PCDHGA1: variants seen among roughly 807,000 people sequenced by gnomAD.
PCDHGA1 encodes protocadherin gamma-A1.
A neutral mutation model predicts 58.0 loss-of-function variants in PCDHGA1; 32 were observed. The ratio of observed to expected loss-of-function variants is 0.55; its 90% CI spans 0.42 to 0.74. PCDHGA1 has a LOEUF of 0.74. PCDHGA1 is among the 30% of genes least tolerant of loss of function. PCDHGA1 has a pLI of 0.00. For synonymous variants in PCDHGA1, 498 were observed against 501.1 expected (o/e 0.99, Z 0.08); for missense variants, 1,205 against 1,182.3 (o/e 1.02, Z -0.28).
rs759731651 is a variant in PCDHGA1 at position 141,356,978 on chromosome 5, C to T, written c.2421+23873C>T. ...GGCTACCTGGTGACCAAAGTGGTGG[C>T]AGTGGACAGAGACTCAGGTCAGAAT... On this transcript the variant is annotated intron_variant, in intron 1 of 3. Coordinates refer to ENST00000517417, the MANE Select transcript of PCDHGA1 (RefSeq NM_018912.3). 3 of 1,614,228 alleles carry T rather than the reference C, an allele frequency of 1.9e-6. No homozygotes were observed. In the Admixed American group the frequency reaches 5.0e-5, roughly 27 times the overall value.
intron 1 of PCDHGA1, chr5:141,426,833 G>T: frequency 2.2e-6 from 1 of 456,680 alleles, no homozygotes; most frequent in Non-Finnish European, 4.4e-6. Flanking sequence ...TGATGGACAA[G>T]ACTAAAGGCA....
intron 1 of PCDHGA1, chr5:141,366,276 A>G (rs779768182): frequency 1.9e-6 from 3 of 1,613,672 alleles, no homozygotes; most frequent in Non-Finnish European, 2.5e-6. Flanking sequence ...GTCGAAGACC[A>G]TGGCCAGCCC....
At chr5:141,395,297 T>C in intron 1 of PCDHGA1, 1 of 1,523,916 alleles carries the variant, frequency 6.6e-7, no homozygotes, top group Non-Finnish European at 8.8e-7. Context: ...GCATAAATTA[T>C]GTTTTGAAAA....
chr5:141,384,337 G>A (rs370533196), intron 1 of PCDHGA1: 1 of 1,613,832 alleles, frequency 6.2e-7, no homozygotes, highest in Non-Finnish European at 8.5e-7. Flanking sequence ...ACAGGACCAC[G>A]ACAGTGAGGA....
At chr5:141,389,235 TCA>T (rs2091656158) in intron 1 of PCDHGA1, 4 of 1,614,080 alleles carry the variant, frequency 2.5e-6, no homozygotes, top group Non-Finnish European at 2.5e-6. Flanking sequence ...TCCGGTTTTC[TCA>T]CAGTCTTCCT....
At chr5:141,404,469 C>T (rs1239367876) in intron 1 of PCDHGA1, 3 of 1,612,966 alleles carry the variant, frequency 1.9e-6, no homozygotes, top group African/African-American at 1.3e-5. Flanking sequence ...ACCTATGTCT[C>T]TATTAACTCA....
chr5:141,340,413 G>A (rs1756942293), intron 1 of PCDHGA1: 1 of 1,614,144 alleles, frequency 6.2e-7, no homozygotes, highest in Non-Finnish European at 8.5e-7. Flanking sequence ...GACCCCGACA[G>A]CAACGACAAT....
intron 1 of PCDHGA1, chr5:141,376,308 G>T (rs766557828): frequency 6.2e-7 from 1 of 1,614,208 alleles, no homozygotes; most frequent in South Asian, 1.1e-5. Context: ...CACTTTGTGG[G>T]CGTGGAAGGG....
In PCDHGA1 at chr5:141,485,053, G is replaced by A. The variant is rs555996081; in HGVS notation, c.2422-9754G>A. On this transcript the variant is annotated intron_variant, in intron 1 of 3. Coordinates refer to ENST00000517417, the MANE Select transcript of PCDHGA1 (RefSeq NM_018912.3). The surrounding 1 kb of genome is among the most constrained non-coding windows in gnomAD (Gnocchi z 5.7). ...GCGCGTAACCCTTGCGGCGCCGGCC[G>A]AACCGCGCCAGAGCTGGCGCGGGGA... 6.9e-5 allele frequency: 57 copies of A among 820,742 alleles called. 2 individuals carry two copies. In the South Asian group the frequency reaches 9.3e-4, roughly 13 times the overall value. 50.8% of individuals were successfully genotyped at this position (820,742 alleles called of 1,614,324 possible).
At chr5:141,421,720 G>A (rs372813759) in intron 1 of PCDHGA1, 4 of 1,613,788 alleles carry the variant, frequency 2.5e-6, no homozygotes, top group Non-Finnish European at 3.4e-6. Context: ...AGATGTGGGC[G>A]TGAACTCCCT....
At chr5:141,350,594 A>G in intron 1 of PCDHGA1, 1 of 1,614,004 alleles carries the variant, frequency 6.2e-7, no homozygotes, top group Middle Eastern at 1.6e-4. Context: ...AAACCCAATG[A>G]ATGTTTTCCA....
At chr5:141,466,104 AGAGT>A (rs2154569127) in intron 1 of PCDHGA1, among the ~76,000 whole-genome samples, 1 of 152,144 alleles carries the variant, frequency 6.6e-6, no homozygotes, top group Admixed American at 6.5e-5. Flanking sequence ...CCTGGGCAAC[AGAGT>A]GAGACTCCAG....
intron 2 of PCDHGA1, among the ~76,000 whole-genome samples, chr5:141,504,128 G>A (rs914138294): frequency 2.6e-5 from 4 of 151,992 alleles, no homozygotes; most frequent in African/African-American, 9.7e-5. Context: ...GCTGTTTCCC[G>A]CCAACACTCC....
intron 1 of PCDHGA1, among the ~76,000 whole-genome samples, chr5:141,472,131 A>C (rs565506002): frequency 6.6e-6 from 1 of 152,264 alleles, no homozygotes; most frequent in Non-Finnish European, 1.5e-5. Flanking sequence ...AGAGAAGTTA[A>C]AAATAAAAGT....
At chr5:141,433,358 C>CCTATCTATCTAT (rs3074541) in intron 1 of PCDHGA1, 6,701 of 503,954 alleles carry the variant, frequency 0.013, 75 homozygotes, top group East Asian at 0.016. Context: ...CTACTGTCTG[C>CCTATCTATCTAT]CTATCTATCT....
intron 1 of PCDHGA1, among the ~76,000 whole-genome samples, chr5:141,337,996 C>T (rs1233688947): frequency 2.0e-5 from 3 of 152,164 alleles, no homozygotes; most frequent in Non-Finnish European, 4.4e-5. Context: ...TTCAGAGGTT[C>T]TAGAACACTT....
intron 1 of PCDHGA1, among the ~76,000 whole-genome samples, chr5:141,449,525 G>T (rs2098641561): frequency 6.7e-6 from 1 of 148,580 alleles, no homozygotes; most frequent in South Asian, 2.1e-4. Flanking sequence ...GGAGGCGGAG[G>T]TTGCAGTGAG....
intron 1 of PCDHGA1, among the ~76,000 whole-genome samples, chr5:141,438,702 C>A (rs1217378337): frequency 5.7e-5 from 8 of 140,876 alleles, no homozygotes; most frequent in Non-Finnish European, 4.6e-5. Flanking sequence ...GCTCTGTCAC[C>A]CAGGCTGGAG....
At chr5:141,386,302 C>T (rs1192647200) in intron 1 of PCDHGA1, among the ~76,000 whole-genome samples, 1 of 152,174 alleles carries the variant, frequency 6.6e-6, no homozygotes, top group Non-Finnish European at 1.5e-5. Flanking sequence ...TTTAGTAAAG[C>T]TCAGTATATC....
Sources: gnomAD v4.1 joint callset for allele counts (sites outside exome capture counted in the v4.1 genomes callset) on GRCh38, gnomAD v4.1.1 for gene constraint, Gnocchi (gnomAD v3.1) non-coding constraint, MANE v1.5 for transcripts, NCBI Gene and HGNC (gene_info 2026-07-23, HGNC 2026-07-21) for gene names.